The following CACNA2D1 variants were observed in gnomAD, a reference collection of about 807,000 sequenced individuals.
CACNA2D1 encodes calcium voltage-gated channel auxiliary subunit alpha2delta 1.
In CACNA2D1, 53 loss-of-function variants were observed where a neutral mutation model predicts 171.5. The observed-to-expected ratio is 0.31, with a 90% CI of 0.25 to 0.39. The LOEUF is 0.39. Ranked by LOEUF, CACNA2D1 falls within the 10% of genes least tolerant of loss-of-function variation. CACNA2D1 has a pLI of 1.00. For missense variants in CACNA2D1, 903 were observed against 1,299.8 expected (o/e 0.69, Z 4.69); for synonymous variants, 442 against 443.1 (o/e 1.00, Z 0.03).
intron 4 of CACNA2D1, among the ~76,000 whole-genome samples, chr7:82,149,659 G>A (rs1004732100): frequency 6.6e-6 from 1 of 151,786 alleles, no homozygotes; most frequent in Admixed American, 6.6e-5. Context: ...GCTTGGCCGG[G>A]TGCTCACACC....
At chr7:82,075,695 A>C (rs568866574) in intron 7 of CACNA2D1, among the ~76,000 whole-genome samples, 3 of 152,218 alleles carry the variant, frequency 2.0e-5, no homozygotes, top group East Asian at 3.9e-4. Context: ...ATAGTGATAG[A>C]TTTCTTTAAA....
chr7:82,276,380 T>C (rs896167829), intron 3 of CACNA2D1, among the ~76,000 whole-genome samples: 1 of 152,218 alleles, frequency 6.6e-6, no homozygotes, highest in African/African-American at 2.4e-5. Flanking sequence ...CTTGGATTTT[T>C]AATCCTAAAC....
chr7:82,005,958 T>C (rs955967934), intron 16 of CACNA2D1, 119 bp from the exon 17 acceptor site: 42 of 726,448 alleles, frequency 5.8e-5, no homozygotes, highest in Middle Eastern at 7.0e-4. Flanking sequence ...TTTAAATGTA[T>C]ATATAGGGTG....
intron 7 of CACNA2D1, among the ~76,000 whole-genome samples, chr7:82,079,405 A>G (rs1809410836): frequency 6.6e-6 from 1 of 152,034 alleles, no homozygotes; most frequent in Non-Finnish European, 1.5e-5. Flanking sequence ...AAAAAAGTCT[A>G]TCTTAGCTGG....
chr7:82,084,193 G>T (rs1381728274), intron 7 of CACNA2D1, among the ~76,000 whole-genome samples: 1 of 151,992 alleles, frequency 6.6e-6, no homozygotes, highest in Non-Finnish European at 1.5e-5. Flanking sequence ...TTTATAAAAA[G>T]ATGTTTTCAC....
chr7:82,313,777 T>C (rs1814762798), intron 3 of CACNA2D1, among the ~76,000 whole-genome samples: 1 of 152,228 alleles, frequency 6.6e-6, no homozygotes, highest in East Asian at 1.9e-4. Flanking sequence ...GTGGAAACTT[T>C]CCCTTGGTTC....
At chr7:82,099,840 T>C (rs1272342438) in intron 6 of CACNA2D1, among the ~76,000 whole-genome samples, 1 of 152,158 alleles carries the variant, frequency 6.6e-6, no homozygotes, top group Non-Finnish European at 1.5e-5. Flanking sequence ...AACTGATGTG[T>C]ACTTAATACA....
intron 3 of CACNA2D1, among the ~76,000 whole-genome samples, chr7:82,299,986 C>A (rs1812803445): frequency 6.6e-6 from 1 of 152,012 alleles, no homozygotes; most frequent in Admixed American, 6.6e-5. Context: ...TGGATTTTAC[C>A]AGTTAGGAGA....
chr7:82,356,663 T>A (rs55648655), intron 1 of CACNA2D1, among the ~76,000 whole-genome samples: 75 of 151,834 alleles, frequency 4.9e-4, no homozygotes, highest in Non-Finnish European at 6.5e-4. Context: ...ACCATTTTTT[T>A]AAAAAAAATA....
rs534068915 is a variant in CACNA2D1 at position 82,439,790 on chromosome 7, C to T, written c.95+3575G>A. ...AATAGTAAATGTTATATGGTTAAGCCGATGAGAACAAAATTAAAGACTTGA... is the reference window on the plus strand; with the variant it reads ...AATAGTAAATGTTATATGGTTAAGCTGATGAGAACAAAATTAAAGACTTGA... On this transcript the variant is annotated intron_variant, in intron 1 of 38. Transcript: ENST00000356860. Among the ~76,000 whole-genome samples, 18 of 151,416 alleles carry T rather than the reference C, an allele frequency of 1.2e-4. No individual in the cohort carries two copies. In the South Asian group the frequency reaches 2.9e-3, roughly 24 times the overall value.
intron 6 of CACNA2D1, among the ~76,000 whole-genome samples, chr7:82,093,726 C>A (rs10250522): frequency 0.13 from 19,330 of 152,040 alleles, 1,761 homozygotes; most frequent in African/African-American, 0.25. Flanking sequence ...ACAGAATAGT[C>A]GCACTAAGAT....
intron 7 of CACNA2D1, among the ~76,000 whole-genome samples, chr7:82,078,575 A>C (rs1374622927): frequency 6.6e-6 from 1 of 152,230 alleles, no homozygotes; most frequent in Non-Finnish European, 1.5e-5. Flanking sequence ...CAAGGAAGAC[A>C]TCATTAAATA....
intron 3 of CACNA2D1, among the ~76,000 whole-genome samples, chr7:82,222,040 G>T (rs1391487280): frequency 6.6e-6 from 1 of 151,848 alleles, no homozygotes; most frequent in South Asian, 2.1e-4. Context: ...ATTAAAAGTA[G>T]GTCACATTCT....
At chr7:82,222,815 TTGAA>T (rs1801919477) in intron 3 of CACNA2D1, among the ~76,000 whole-genome samples, 1 of 152,136 alleles carries the variant, frequency 6.6e-6, no homozygotes, top group African/African-American at 2.4e-5. Context: ...TAATTGTTTC[TTGAA>T]TGAATGAATA....
At chr7:82,404,456 G>C (rs1826798511) in intron 1 of CACNA2D1, among the ~76,000 whole-genome samples, 1 of 152,164 alleles carries the variant, frequency 6.6e-6, no homozygotes, top group African/African-American at 2.4e-5. Flanking sequence ...AAATAAGTTA[G>C]GGAAGAATCC....
intron 36 of CACNA2D1, 124 bp downstream of exon 36, chr7:81,961,770 G>T: frequency 1.2e-6 from 1 of 841,450 alleles, no homozygotes; most frequent in Non-Finnish European, 2.0e-6. Flanking sequence ...TCACATCTCT[G>T]ACTCCAACAC....
At chr7:82,179,194 C>CCCAA (rs1796862372) in intron 3 of CACNA2D1, among the ~76,000 whole-genome samples, 1 of 152,012 alleles carries the variant, frequency 6.6e-6, no homozygotes, top group African/African-American at 2.4e-5. Flanking sequence ...TGTAATTCCA[C>CCCAA]TCTGGGGTCT....
chr7:82,073,500 A>G (rs1046342443), intron 7 of CACNA2D1, among the ~76,000 whole-genome samples: 2 of 152,222 alleles, frequency 1.3e-5, no homozygotes, highest in African/African-American at 4.8e-5. Context: ...GGTAAAATTC[A>G]CTATCTATTG....
At chr7:82,381,382 G>C (rs1489674621) in intron 1 of CACNA2D1, among the ~76,000 whole-genome samples, 1 of 149,604 alleles carries the variant, frequency 6.7e-6, no homozygotes, top group Non-Finnish European at 1.5e-5. Flanking sequence ...TGATCCTATA[G>C]AGAATATATT....
Sources: gnomAD v4.1 joint callset for allele counts (sites outside exome capture counted in the v4.1 genomes callset) on GRCh38, gnomAD v4.1.1 for gene constraint, MANE v1.5 for transcripts, NCBI Gene and HGNC (gene_info 2026-07-23, HGNC 2026-07-21) for gene names.